ZNF644: variants seen among roughly 807,000 people sequenced by gnomAD.
ZNF644 encodes zinc finger protein 644.
In ZNF644, 20 loss-of-function variants were observed where a neutral mutation model predicts 108.0. The ratio of observed to expected loss-of-function variants is 0.19; its 90% confidence interval spans 0.13 to 0.27. The LOEUF is 0.27. Among genes scored for constraint, ZNF644 ranks in the 10% least tolerant of loss-of-function variants. ZNF644 has a pLI of 1.00. For missense variants in ZNF644, 1,338 were observed against 1,548.9 expected (o/e 0.86, Z 2.29); for synonymous variants, 542 against 539.1 (o/e 1.01, Z -0.08).
chr1:90,983,481 CAAAA>C (rs768476839), intron 1 of ZNF644, among the ~76,000 whole-genome samples: 5 of 63,434 alleles, frequency 7.9e-5, no homozygotes, highest in East Asian at 7.7e-4. Flanking sequence ...CCTCATATGG[CAAAA>C]AAAAAAAAAA....
chr1:90,994,109 CA>C (rs1243508391), intron 1 of ZNF644, among the ~76,000 whole-genome samples: 5 of 152,072 alleles, frequency 3.3e-5, no homozygotes, highest in Admixed American at 2.0e-4. Flanking sequence ...AGTACATTTG[CA>C]AAAACTATTG....
Position 90,937,503 on chromosome 1 carries a change from C to A in ZNF644, c.3670G>T (p.Asp1224Tyr), listed in dbSNP as rs1205155569. The A allele has an allele frequency of 6.2e-7, 1 of 1,613,760 alleles. No individual in the cohort carries two copies. The highest frequency in any genetic ancestry group is 1.1e-5 in the South Asian group (1 of 91,044). The change falls in exon 4 of 6, where the codon GAC (aspartate) becomes TAC (tyrosine). Residue 1224 changes from aspartate to tyrosine, a missense_variant. Around this residue, in one of 6 missense-constraint regions of ZNF644, gnomAD observed 287 missense variants for 310.9 expected, o/e 0.92. Transcript: ENST00000337393. ...CTCTTACCTGAGTGCATAGTCAAGTCCATTTTTTGTGGCTGATACATCAAC... is the reference window on the plus strand; with the variant it reads ...CTCTTACCTGAGTGCATAGTCAAGTACATTTTTTGTGGCTGATACATCAAC... Reference protein sequence around the residue: ...SPLMYQPQKMDLTMHSALDCK... With the variant: ...SPLMYQPQKMYLTMHSALDCK...
intron 1 of ZNF644, among the ~76,000 whole-genome samples, chr1:90,982,627 T>TA (rs1267120880): frequency 6.7e-4 from 102 of 152,078 alleles, no homozygotes; most frequent in African/African-American, 1.9e-3. Flanking sequence ...ATTCTTTTTT[T>TA]TAAAAAAAAT....
rs1312423559 is a variant in ZNF644, at chr1:90,937,672, C to T, written c.3501G>A (p.Gln1167=). The change falls in exon 4 of 6, where the codon CAG becomes CAA. Residue 1167 remains glutamine, a synonymous_variant. Coordinates refer to ENST00000337393, the MANE Select transcript of ZNF644 (RefSeq NM_201269.3). ...TAAGAAGTTCTATGAGTGTAAGAGA[C>T]TGATTCTTTTTCCCACTGGGCAGTT... The part of the protein sequence containing the change: ...KPELPSGKKN[Q]SLTLIELLKN... The T allele has an allele frequency of 1.2e-6, 2 of 1,613,906 alleles. No individual in the cohort carries two copies. The highest frequency in any genetic ancestry group is 1.7e-6 in the Non-Finnish European group (2 of 1,179,882).
chr1:91,019,894 G>T (rs1303092841), intron 1 of ZNF644, among the ~76,000 whole-genome samples: 1 of 152,152 alleles, frequency 6.6e-6, no homozygotes, highest in African/African-American at 2.4e-5. Context: ...TATTGTCACA[G>T]AAGTTCTCAT....
intron 5 of ZNF644, among the ~76,000 whole-genome samples, chr1:90,917,700 G>A (rs539304535): frequency 6.6e-6 from 1 of 152,288 alleles, no homozygotes; most frequent in East Asian, 1.9e-4. Flanking sequence ...GTTTCATCAT[G>A]TTGGCCAGGC....
chr1:90,949,989 G>C (rs1465876114), intron 2 of ZNF644, among the ~76,000 whole-genome samples: 5 of 151,892 alleles, frequency 3.3e-5, no homozygotes, highest in Admixed American at 2.0e-4. Context: ...CAAAAAAATA[G>C]CGCTGGGGCC....
chr1:90,916,699 G>T lies in ZNF644; in HGVS notation c.*99C>A. On this transcript the variant is annotated 3_prime_UTR_variant, in exon 6 of 6. Coordinates refer to ENST00000337393, the MANE Select transcript of ZNF644 (RefSeq NM_201269.3). ...TAATTCACTTTCCCCCCATTTTCCT[G>T]CTTTAGTATTTATAAACAGATAATT... 1 of 1,340,578 alleles carries T rather than the reference G, an allele frequency of 7.5e-7. No individual in the cohort carries two copies. Among genetic ancestry groups the T allele is most frequent in the Non-Finnish European group, 1.1e-6 (1 of 951,254 alleles). The allele number at this position is 1,340,578 out of a possible 1,614,324, so 83.0% of individuals were successfully genotyped here.
chr1:90,984,467 A>T (rs1318417378), intron 1 of ZNF644, among the ~76,000 whole-genome samples: 1 of 151,918 alleles, frequency 6.6e-6, no homozygotes, highest in Non-Finnish European at 1.5e-5. Context: ...GGCTCACTAC[A>T]AACTCTGCCT....
intron 4 of ZNF644, among the ~76,000 whole-genome samples, chr1:90,934,067 ATTT>A (rs1300939905): frequency 4.6e-5 from 7 of 152,182 alleles, no homozygotes; most frequent in Admixed American, 2.6e-4. Flanking sequence ...ATAGTCTCTT[ATTT>A]TTATTGTTCC....
chr1:90,968,060 C>CAAAAAA (rs763728133), intron 2 of ZNF644, among the ~76,000 whole-genome samples: 2 of 67,248 alleles, frequency 3.0e-5, no homozygotes, highest in Non-Finnish European at 5.3e-5. Context: ...GACTCCGTCT[C>CAAAAAA]AAAAAAAAAA....
chr1:90,941,254 C>T lies in ZNF644; in HGVS notation c.100G>A (p.Asp34Asn), dbSNP rs1355302556. Reference sequence around the variant, plus strand: ...AGTTCTTCTTTAGCACCAGTAATATCGGTGTTTATCTTCAAATCATCCATA... The same window carrying T: ...AGTTCTTCTTTAGCACCAGTAATATTGGTGTTTATCTTCAAATCATCCATA... Reference protein sequence around the residue: ...NNMDDLKINTDITGAKEELLD... With the variant: ...NNMDDLKINTNITGAKEELLD... Residue 34 changes from aspartate (D) to asparagine (N), a missense_variant, in exon 3 of 6, where the codon GAT becomes AAT. Physicochemically the swap from Asp to Asn is conservative, Grantham distance 23 (BLOSUM62 1). Transcript: ENST00000337393. The T allele has an allele frequency of 2.1e-5, 33 of 1,600,102 alleles. No individual in the cohort carries two copies. Among genetic ancestry groups the T allele is most frequent in the Non-Finnish European group, 2.6e-5 (30 of 1,176,278 alleles).
At chr1:90,959,230 C>T (rs748007544) in intron 2 of ZNF644, among the ~76,000 whole-genome samples, 7 of 152,102 alleles carry the variant, frequency 4.6e-5, no homozygotes, top group African/African-American at 4.8e-5. Context: ...ATTAGAATAG[C>T]TTTAATAAAC....
intron 4 of ZNF644, among the ~76,000 whole-genome samples, chr1:90,932,648 T>C (rs143592811): frequency 9.9e-5 from 15 of 152,160 alleles, no homozygotes; most frequent in Non-Finnish European, 1.9e-4. Context: ...ATGTGGAGTT[T>C]GTAAATACAA....
chr1:90,918,215 A>G, intron 4 of ZNF644, 61 bp from the exon 5 acceptor site: 2 of 1,385,236 alleles, frequency 1.4e-6, no homozygotes, highest in Non-Finnish European at 2.0e-6. Context: ...ACATACACAC[A>G]TATTTTTCTA....
chr1:90,973,237 G>GA (rs1454707139), intron 2 of ZNF644: 1 of 152,058 alleles, frequency 6.6e-6, no homozygotes, highest in Non-Finnish European at 1.5e-5. Flanking sequence ...AAAAATGGGT[G>GA]AGAGTATAAT....
chr1:90,917,547 G>C (rs1648923641), intron 5 of ZNF644, among the ~76,000 whole-genome samples: 1 of 152,098 alleles, frequency 6.6e-6, no homozygotes, highest in South Asian at 2.1e-4. Context: ...GCTCAGGCTG[G>C]AGTGCAGTGG....
At chr1:90,997,575 G>T (rs953515583) in intron 1 of ZNF644, among the ~76,000 whole-genome samples, 2 of 152,014 alleles carry the variant, frequency 1.3e-5, no homozygotes, top group African/African-American at 4.8e-5. Context: ...GGGGAGGGGG[G>T]CGGTTCCAAG....
chr1:91,001,150 A>G (rs189159746), intron 1 of ZNF644, among the ~76,000 whole-genome samples: 1,924 of 152,320 alleles, frequency 0.013, 39 homozygotes, highest in African/African-American at 0.044. Flanking sequence ...ATTCCAATCA[A>G]TAGGAAAAGA....
Sources: allele counts gnomAD v4.1 joint callset (sites outside exome capture counted in the v4.1 genomes callset), GRCh38; gene constraint gnomAD v4.1.1; regional missense constraint gnomAD v4.1.1; transcripts MANE v1.5; gene names NCBI Gene and HGNC (gene_info 2026-07-23, HGNC 2026-07-21).